Variants in PDZK1 observed in about 807,000 individuals in gnomAD.
PDZK1 encodes PDZ domain containing 1.
In PDZK1, 23 loss-of-function variants were observed where a neutral mutation model predicts 38.1. The ratio of observed to expected loss-of-function variants is 0.60; its 90% CI spans 0.43 to 0.85. PDZK1 has a LOEUF of 0.85. Among genes scored for constraint, PDZK1 ranks in the 40% least tolerant of loss-of-function variants. The probability of loss-of-function intolerance (pLI) is 0.00; values close to 1 mark genes in which losing one functional copy is unlikely to be tolerated. For missense variants in PDZK1, 297 were observed against 504.3 expected (o/e 0.59, Z 3.94); for synonymous variants, 98 against 186.2 (o/e 0.53, Z 3.86).
chr1:145,688,748 C>T (rs1016343911), intron 1 of PDZK1, among the ~76,000 whole-genome samples: 4 of 152,104 alleles, frequency 2.6e-5, no homozygotes, highest in African/African-American at 4.8e-5. Context: ...ATCACAAGGT[C>T]AGGAGTTTGA....
At chr1:145,701,635 C>G (rs1365123372) in intron 1 of PDZK1, among the ~76,000 whole-genome samples, 1 of 152,184 alleles carries the variant, frequency 6.6e-6, no homozygotes, top group Non-Finnish European at 1.5e-5. Context: ...GAATTCCCTA[C>G]AGGCATCAGC....
In PDZK1 at chr1:145,672,732, G is replaced by A. The variant is rs146471599; in HGVS notation, c.1504C>T (p.Arg502Trp). The A allele has an allele frequency of 1.1e-4, 174 of 1,611,832 alleles. No homozygotes were observed. Among genetic ancestry groups the A allele is most frequent in the Non-Finnish European group, 1.1e-4 (131 of 1,179,758 alleles). ...AAAAGAAATAGGCCCCCACTCACCCGTTCTTTTGCCATGTGCGAGTCATGG... is the reference window on the plus strand; with the variant it reads ...AAAAGAAATAGGCCCCCACTCACCCATTCTTTTGCCATGTGCGAGTCATGG... ...SNHDSHMAKE[R>W]AHSTASHSSS... The change falls in exon 8 of 9, where the codon CGG (arginine) becomes TGG (tryptophan). Residue 502 changes from arginine (R) to tryptophan (W), a missense_variant and splice_region_variant. Coordinates refer to ENST00000417171, the MANE Select transcript of PDZK1 (RefSeq NM_001201325.2).
intron 1 of PDZK1, among the ~76,000 whole-genome samples, chr1:145,696,494 G>T (rs1001201343): frequency 6.6e-6 from 1 of 152,146 alleles, no homozygotes; most frequent in Non-Finnish European, 1.5e-5. Flanking sequence ...TAATTCAACA[G>T]GACTGATGCC....
At chr1:145,704,741 C>T (rs1385690592) in intron 1 of PDZK1, among the ~76,000 whole-genome samples, 7 of 152,192 alleles carry the variant, frequency 4.6e-5, no homozygotes, top group African/African-American at 7.2e-5. Context: ...GAGGAAAACA[C>T]GTCTAGCTCC....
intron 1 of PDZK1, among the ~76,000 whole-genome samples, chr1:145,692,212 AG>A (rs1358056265): frequency 6.6e-6 from 1 of 152,176 alleles, no homozygotes; most frequent in Non-Finnish European, 1.5e-5. Context: ...GGAAAGAAAT[AG>A]CTGGTGGGAC....
chr1:145,693,643 G>A (rs587681325), intron 1 of PDZK1, among the ~76,000 whole-genome samples: 22 of 152,012 alleles, frequency 1.4e-4, no homozygotes, highest in East Asian at 7.7e-4. Flanking sequence ...GCGTGGTGGC[G>A]GGCGCCTGTG....
intron 1 of PDZK1, among the ~76,000 whole-genome samples, chr1:145,701,253 C>T (rs1251710737): frequency 2.7e-5 from 4 of 150,482 alleles, no homozygotes; most frequent in African/African-American, 9.8e-5. Context: ...AATGTTTAAC[C>T]CTAGTTACTC....
intron 5 of PDZK1, among the ~76,000 whole-genome samples, chr1:145,680,588 G>A (rs1214105733): frequency 6.6e-6 from 1 of 152,104 alleles, no homozygotes; most frequent in African/African-American, 2.4e-5. Flanking sequence ...GGACATGGGA[G>A]GAGTATTTAC....
At position 145,687,704 on chromosome 1, in the gene PDZK1, G is replaced by A. The variant is rs1020746092; in HGVS notation, c.210+108C>T. ...AATAAAGGTGTCCTGCCTTGCCAGT[G>A]GCAGCCAGGAAAGAACCAAACTCTA... is the stretch of plus-strand genomic sequence containing the variant. On this transcript the variant is annotated intron_variant, in intron 2 of 8. Transcript: ENST00000417171. The A allele has an allele frequency of 1.1e-5, 10 of 901,074 alleles. No homozygotes were observed. In the African/African-American group the frequency reaches 1.3e-4, roughly 12 times the overall value. 55.8% of individuals were successfully genotyped at this position (901,074 alleles called of 1,614,324 possible).
chr1:145,687,706 C>T lies in PDZK1; in HGVS notation c.210+106G>A. 4 of 920,534 alleles carry T rather than the reference C, an allele frequency of 4.3e-6. No homozygotes were observed. In the South Asian group the frequency reaches 5.5e-5, roughly 13 times the overall value. 57.0% of individuals were successfully genotyped at this position (920,534 alleles called of 1,614,324 possible). A position where few individuals can be genotyped will look rare whatever the true frequency, so the allele number is the denominator to read the frequency against. ...TAAAGGTGTCCTGCCTTGCCAGTGG[C>T]AGCCAGGAAAGAACCAAACTCTACC... On this transcript the variant is annotated intron_variant, in intron 2 of 8. Transcript: ENST00000417171.
intron 1 of PDZK1, chr1:145,691,831 A>G (rs949370155): frequency 1.3e-5 from 2 of 152,076 alleles, no homozygotes; most frequent in Non-Finnish European, 2.9e-5. Flanking sequence ...AAAAAACTGG[A>G]GATGAAAGAA....
At chr1:145,696,497 C>T (rs1655636473) in intron 1 of PDZK1, among the ~76,000 whole-genome samples, 1 of 152,184 alleles carries the variant, frequency 6.6e-6, no homozygotes, top group Non-Finnish European at 1.5e-5. Context: ...TTCAACAGGA[C>T]TGATGCCCTT....
At chr1:145,694,079 GT>G (rs1655473062) in intron 1 of PDZK1, among the ~76,000 whole-genome samples, 1 of 152,174 alleles carries the variant, frequency 6.6e-6, no homozygotes, top group African/African-American at 2.4e-5. Context: ...CTAGTTCTGA[GT>G]CGGGGGAGCA....
chr1:145,704,337 A>G (rs961514573), intron 1 of PDZK1, among the ~76,000 whole-genome samples: 1 of 152,176 alleles, frequency 6.6e-6, no homozygotes, highest in African/African-American at 2.4e-5. Flanking sequence ...GAAACCAGTG[A>G]CCACCTCAGA....
intron 1 of PDZK1, among the ~76,000 whole-genome samples, chr1:145,702,844 G>T (rs1656040931): frequency 1.3e-5 from 2 of 152,192 alleles, no homozygotes; most frequent in South Asian, 4.1e-4. Context: ...AGTGAGCCAA[G>T]ATCGTGCCAC....
chr1:145,697,763 ATTTTTTTTTTTTTTTTTTTTTTT>A (rs10564713), intron 1 of PDZK1, among the ~76,000 whole-genome samples: 27 of 44,940 alleles, frequency 6.0e-4, no homozygotes, highest in Non-Finnish European at 9.1e-4. Flanking sequence ...TGCCCAGCTA[ATTTTTTTTTTTTTTTTTTTTTTT>A]TTTTTTTTTT....
At chr1:145,672,266 A>G (rs1414375427) in intron 8 of PDZK1, among the ~76,000 whole-genome samples, 4 of 151,980 alleles carry the variant, frequency 2.6e-5, no homozygotes, top group African/African-American at 9.7e-5. Context: ...CATGCTCACT[A>G]TGAGCCAGCC....
intron 2 of PDZK1, among the ~76,000 whole-genome samples, 163 bp from the exon 3 acceptor site, chr1:145,686,889 C>T (rs1654821915): frequency 6.6e-6 from 1 of 152,114 alleles, no homozygotes; most frequent in Admixed American, 6.5e-5. Flanking sequence ...TCCCTGCCCT[C>T]CCGAGATCCA....
intron 2 of PDZK1, among the ~76,000 whole-genome samples, chr1:145,687,202 A>G (rs1654854158): frequency 6.6e-6 from 1 of 151,984 alleles, no homozygotes; most frequent in Non-Finnish European, 1.5e-5. Flanking sequence ...TGAGGTCATG[A>G]TGAGGACTTA....
Sources: allele counts gnomAD v4.1 joint callset (sites outside exome capture counted in the v4.1 genomes callset), GRCh38; gene constraint gnomAD v4.1.1; transcripts MANE v1.5; gene names NCBI Gene and HGNC (gene_info 2026-07-23, HGNC 2026-07-21).